DPP10: variants seen among roughly 807,000 people sequenced by gnomAD.
The protein encoded by DPP10 is inactive dipeptidyl peptidase 10.
DPP10 carries 33 observed loss-of-function variants against 120.9 expected under a neutral mutation model. The observed-to-expected ratio is 0.27, with a 90% CI of 0.21 to 0.37. The LOEUF is 0.37. Among genes scored for constraint, DPP10 ranks in the 10% least tolerant of loss-of-function variants. The pLI is 1.00. For missense variants in DPP10, 816 were observed against 942.8 expected, an observed-to-expected ratio of 0.87 and a Z score of 1.76; for synonymous variants, 337 against 326.1, an observed-to-expected ratio of 1.03 and a Z score of -0.36.
chr2:115,788,057 C>T (rs1257467935), intron 17 of DPP10, among the ~76,000 whole-genome samples: 2 of 152,120 alleles, frequency 1.3e-5, no homozygotes, highest in African/African-American at 2.4e-5. Flanking sequence ...TGAGAACGTT[C>T]TGTCATCAAA....
intron 4 of DPP10, among the ~76,000 whole-genome samples, chr2:115,512,156 A>C (rs1400061954): frequency 6.6e-6 from 1 of 151,074 alleles, no homozygotes; most frequent in Non-Finnish European, 1.5e-5. Context: ...GCTGGAGTGC[A>C]GTGTTGTGAT....
chr2:115,380,490 T>C (rs1438587151), intron 3 of DPP10, among the ~76,000 whole-genome samples: 1 of 152,178 alleles, frequency 6.6e-6, no homozygotes, highest in African/African-American at 2.4e-5. Context: ...CACTGATAGG[T>C]CTTGACTCTT....
chr2:115,506,700 G>T (rs866840790), intron 4 of DPP10, among the ~76,000 whole-genome samples: 1 of 151,940 alleles, frequency 6.6e-6, no homozygotes, highest in African/African-American at 2.4e-5. Context: ...AATACAGATA[G>T]AATAGATATC....
At chr2:115,411,666 A>C (rs1268420944) in intron 3 of DPP10, among the ~76,000 whole-genome samples, 1 of 152,320 alleles carries the variant, frequency 6.6e-6, no homozygotes, top group South Asian at 2.1e-4. Flanking sequence ...TTGGGGAGTA[A>C]GCTGTCATTT....
At chr2:114,521,992 T>G (rs1316238981) in intron 1 of DPP10, among the ~76,000 whole-genome samples, 22 of 146,792 alleles carry the variant, frequency 1.5e-4, no homozygotes, top group Admixed American at 1.4e-3. Flanking sequence ...TATTTTTTTT[T>G]TTTTTGAGAC....
chr2:114,445,392 A>G (rs979941431), intron 1 of DPP10, among the ~76,000 whole-genome samples: 2 of 152,148 alleles, frequency 1.3e-5, no homozygotes, highest in Non-Finnish European at 2.9e-5. Flanking sequence ...CTTTTCCCCC[A>G]TCAGTATAGT....
At chr2:114,605,036 A>G (rs1232436205) in intron 1 of DPP10, among the ~76,000 whole-genome samples, 2 of 152,134 alleles carry the variant, frequency 1.3e-5, no homozygotes, top group African/African-American at 4.8e-5. Context: ...TTTCATGGAA[A>G]GAATAATCAT....
intron 1 of DPP10, among the ~76,000 whole-genome samples, chr2:114,740,264 A>T (rs1314527960): frequency 1.3e-5 from 2 of 150,134 alleles, no homozygotes; most frequent in Non-Finnish European, 3.0e-5. Context: ...AGGACAAAAA[A>T]CCAAACACCG....
chr2:115,082,068 A>T (rs1414161552), intron 1 of DPP10, among the ~76,000 whole-genome samples: 1 of 152,202 alleles, frequency 6.6e-6, no homozygotes, highest in African/African-American at 2.4e-5. Flanking sequence ...GATGCTTTTA[A>T]GAAATTATTT....
Position 114,624,350 on chromosome 2 carries a change from A to C in DPP10, c.60+181512A>C, listed in dbSNP as rs181296344. Among the ~76,000 whole-genome samples, 1,000 of 152,070 alleles carry C rather than the reference A, an allele frequency of 6.6e-3. 6 individuals are homozygous for C. Among genetic ancestry groups the C allele is most frequent in the Non-Finnish European group, 0.011 (735 of 67,888 alleles). On this transcript the variant is annotated intron_variant, in intron 1 of 25. Coordinates refer to ENST00000410059, the MANE Select transcript of DPP10 (RefSeq NM_020868.6). The stretch of plus-strand genomic sequence containing the variant: ...TGATTTGAAAGGGTACTGGAATTTT[A>C]TTCTCTAGGGCATAGGGGATAATCA...
At chr2:115,255,077 G>A (rs189916460) in intron 1 of DPP10, among the ~76,000 whole-genome samples, 15 of 152,320 alleles carry the variant, frequency 9.8e-5, no homozygotes, top group East Asian at 7.7e-4. Flanking sequence ...CCACACTGCC[G>A]TAGGAGAGGT....
intron 1 of DPP10, among the ~76,000 whole-genome samples, chr2:115,032,020 C>T (rs578175630): frequency 1.5e-4 from 23 of 152,068 alleles, no homozygotes; most frequent in African/African-American, 5.5e-4. Context: ...TTATAAAATA[C>T]TCTAAAAGAA....
chr2:115,830,808 G>A (rs1484035014), intron 21 of DPP10, among the ~76,000 whole-genome samples: 1 of 152,118 alleles, frequency 6.6e-6, no homozygotes, highest in Non-Finnish European at 1.5e-5. Context: ...AAGAACTATG[G>A]ATATCTGGGG....
At chr2:115,312,884 G>A (rs996837344) in intron 2 of DPP10, among the ~76,000 whole-genome samples, 3 of 152,106 alleles carry the variant, frequency 2.0e-5, no homozygotes, top group African/African-American at 7.2e-5. Context: ...GCAAGACACT[G>A]GGCCTTTTAG....
chr2:115,837,940 A>G (rs1689703193), intron 24 of DPP10, among the ~76,000 whole-genome samples: 1 of 152,198 alleles, frequency 6.6e-6, no homozygotes, highest in Non-Finnish European at 1.5e-5. Flanking sequence ...ACCCTGGAAC[A>G]GAAAGGGTAC....
chr2:115,511,644 G>T (rs1270358892), intron 4 of DPP10, among the ~76,000 whole-genome samples: 1 of 142,962 alleles, frequency 7.0e-6, no homozygotes, highest in Non-Finnish European at 1.5e-5. Flanking sequence ...ACTTCTTTAG[G>T]TAGAAGTTTA....
chr2:115,668,729 C>T (rs924549911), intron 5 of DPP10, among the ~76,000 whole-genome samples: 8 of 152,090 alleles, frequency 5.3e-5, no homozygotes, highest in Non-Finnish European at 8.8e-5. Context: ...GCACTTCTGT[C>T]TCAGAGAAGG....
At chr2:114,855,197 A>G (rs1271700106) in intron 1 of DPP10, among the ~76,000 whole-genome samples, 2 of 152,354 alleles carry the variant, frequency 1.3e-5, no homozygotes, top group African/African-American at 2.4e-5. Context: ...GCAAATTGTA[A>G]TAATACATAT....
At chr2:115,806,548 G>GT (rs140695522) in intron 19 of DPP10, among the ~76,000 whole-genome samples, 2,775 of 152,172 alleles carry the variant, frequency 0.018, 86 homozygotes, top group African/African-American at 0.061. Flanking sequence ...AACCAGTATT[G>GT]TATCACCACC....
Sources: allele counts gnomAD v4.1 joint callset (sites outside exome capture counted in the v4.1 genomes callset), GRCh38; gene constraint gnomAD v4.1.1; transcripts MANE v1.5; gene names NCBI Gene and HGNC (gene_info 2026-07-23, HGNC 2026-07-21).